Variants in DNAJC3 observed in about 807,000 individuals in gnomAD.
DNAJC3 encodes DnaJ heat shock protein family (Hsp40) member C3, also known as dnaJ homolog subfamily C member 3.
In DNAJC3, 38 loss-of-function variants were observed where a neutral mutation model predicts 68.6. That is an observed-to-expected ratio of 0.55 (90% CI 0.43 to 0.73). The LOEUF (loss-of-function observed/expected upper bound fraction) is 0.73, where lower values mean the gene tolerates loss of function less well. Ranked by LOEUF, DNAJC3 falls within the 30% of genes least tolerant of loss-of-function variation. The probability of loss-of-function intolerance (pLI) is 0.00; values close to 1 mark genes in which losing one functional copy is unlikely to be tolerated. For missense variants in DNAJC3, 526 were observed against 591.9 expected, an observed-to-expected ratio of 0.89 and a Z score of 1.16; for synonymous variants, 203 against 204.0, an observed-to-expected ratio of 1.00 and a Z score of 0.04.
rs1593967819 is a variant in DNAJC3, at chr13:95,709,217, T to C, written c.83-10T>C. ...GAAAGTTAACTGATTGTTTTTAATT[T>C]TATTTTTAGGTGCTGAATGTGGAGT... On this transcript the variant is annotated splice_polypyrimidine_tract_variant and intron_variant, in intron 1 of 11. Coordinates refer to ENST00000602402, the MANE Select transcript of DNAJC3 (RefSeq NM_006260.5). 1.3e-6 allele frequency: 2 copies of C among 1,501,842 alleles called. No individual in the cohort carries two copies. 93.0% of individuals were successfully genotyped at this position (1,501,842 alleles called of 1,614,324 possible). A position where few individuals can be genotyped will look rare whatever the true frequency, so the allele number is the denominator to read the frequency against.
chr13:95,698,633 C>G (rs1364546970), intron 1 of DNAJC3, among the ~76,000 whole-genome samples: 2 of 152,064 alleles, frequency 1.3e-5, no homozygotes, highest in African/African-American at 4.8e-5. Flanking sequence ...ACAGTGTAGC[C>G]GAGAGTCACA....
intron 4 of DNAJC3, among the ~76,000 whole-genome samples, chr13:95,726,447 G>C (rs1381665004): frequency 6.6e-6 from 1 of 152,102 alleles, no homozygotes; most frequent in Non-Finnish European, 1.5e-5. Context: ...ATTTTTTCAT[G>C]TGTTTTTTGG....
At position 95,794,012 on chromosome 13, in the gene DNAJC3, T is replaced by C. The variant is rs1883881482; in HGVS notation, c.*2982T>C. 6.6e-6 allele frequency: 1 copy of C among 152,224 alleles called. No homozygotes were observed. The allele number at this position is 152,224 out of a possible 1,614,324, so 9.4% of individuals were successfully genotyped here. A position where few individuals can be genotyped will look rare whatever the true frequency, so the allele number is the denominator to read the frequency against. Reference sequence around the variant, plus strand: ...TCAGTTCTGAAAGTTTGTGCTTTCTTACCATGAATAGATGAAAACTTGAAA... The same window carrying C: ...TCAGTTCTGAAAGTTTGTGCTTTCTCACCATGAATAGATGAAAACTTGAAA... On this transcript the variant is annotated 3_prime_UTR_variant, in exon 12 of 12. Coordinates refer to ENST00000602402, the MANE Select transcript of DNAJC3 (RefSeq NM_006260.5).
intron 7 of DNAJC3, among the ~76,000 whole-genome samples, chr13:95,762,123 G>A (rs9590322): frequency 0.068 from 10,324 of 152,192 alleles, 410 homozygotes; most frequent in East Asian, 0.14. Context: ...TTAGCCGGGC[G>A]TGGTGGCGCA....
chr13:95,747,105 A>C (rs1882327691), intron 4 of DNAJC3, among the ~76,000 whole-genome samples: 1 of 152,240 alleles, frequency 6.6e-6, no homozygotes, highest in Non-Finnish European at 1.5e-5. Context: ...CATATAACTT[A>C]GATCATTTAA....
chr13:95,681,439 C>T (rs191243900), intron 1 of DNAJC3, among the ~76,000 whole-genome samples: 3 of 152,180 alleles, frequency 2.0e-5, no homozygotes, highest in African/African-American at 2.4e-5. Flanking sequence ...TAGGCTTGAC[C>T]TCCTGGGCTC....
intron 9 of DNAJC3, among the ~76,000 whole-genome samples, chr13:95,779,566 T>G (rs1199333654): frequency 1.3e-5 from 2 of 152,192 alleles, no homozygotes; most frequent in Non-Finnish European, 2.9e-5. Context: ...TTTTGTTAGA[T>G]CCTTCATTTT....
intron 11 of DNAJC3, among the ~76,000 whole-genome samples, chr13:95,789,940 G>C (rs933897812): frequency 6.6e-6 from 1 of 152,148 alleles, no homozygotes; most frequent in African/African-American, 2.4e-5. Context: ...TTTGAGAAGT[G>C]TCTGTTCATG....
intron 9 of DNAJC3, among the ~76,000 whole-genome samples, chr13:95,767,059 T>G (rs981714442): frequency 6.6e-6 from 1 of 152,218 alleles, no homozygotes; most frequent in African/African-American, 2.4e-5. Flanking sequence ...TTTACCATCT[T>G]AACCATTTTT....
chr13:95,691,983 G>A (rs969770748), intron 1 of DNAJC3, among the ~76,000 whole-genome samples: 2 of 152,202 alleles, frequency 1.3e-5, no homozygotes, highest in Admixed American at 6.5e-5. Flanking sequence ...CAGGGAGGTT[G>A]CAGTGAGCTG....
chr13:95,747,512 G>A (rs942177685), intron 4 of DNAJC3, among the ~76,000 whole-genome samples: 3 of 152,186 alleles, frequency 2.0e-5, no homozygotes, highest in Non-Finnish European at 4.4e-5. Context: ...CCAGTAAGCT[G>A]GAGTATGAGA....
chr13:95,758,402 G>C (rs570909345), intron 5 of DNAJC3, among the ~76,000 whole-genome samples: 1 of 151,590 alleles, frequency 6.6e-6, no homozygotes, highest in Non-Finnish European at 1.5e-5. Context: ...TTGGGAGGTC[G>C]AGGTGGGTGG....
intron 1 of DNAJC3, among the ~76,000 whole-genome samples, chr13:95,691,120 C>T (rs866717292): frequency 7.1e-5 from 10 of 140,326 alleles, no homozygotes; most frequent in South Asian, 4.7e-4. Context: ...ACTTCCCAGA[C>T]GGAGCGGCTG....
intron 4 of DNAJC3, chr13:95,742,899 T>C (rs753727660): frequency 4.3e-5 from 21 of 488,822 alleles, no homozygotes; most frequent in Non-Finnish European, 2.1e-5. Context: ...TCTAAAAGTT[T>C]TATGGTTTTG....
intron 9 of DNAJC3, among the ~76,000 whole-genome samples, chr13:95,767,145 A>G (rs940292627): frequency 6.6e-6 from 1 of 152,174 alleles, no homozygotes; most frequent in African/African-American, 2.4e-5. Context: ...CATCGTGCAA[A>G]TCTGATCTCT....
Position 95,790,892 on chromosome 13 carries a change from C to T in DNAJC3, c.1377C>T (p.Asp459=), listed in dbSNP as rs149304997. 1.5e-4 allele frequency: 235 copies of T among 1,607,206 alleles called. No homozygotes were observed. Among genetic ancestry groups the T allele is most frequent in the Admixed American group, 2.8e-4 (16 of 58,094 alleles). The part of the protein sequence containing the change: ...LSDPEMRKKF[D]DGEDPLDAES... ...TTCTAGAAATGAGAAAGAAGTTTGA[C>T]GACGGAGAAGATCCTTTGGATGCAG... The change falls in exon 12 of 12, where the codon GAC becomes GAT. Residue 459 remains aspartate, a synonymous_variant. Transcript: ENST00000602402.
chr13:95,688,932 GT>G lies in DNAJC3; in HGVS notation c.82+11596del, dbSNP rs1880145374. Among the ~76,000 whole-genome samples, 391 of 102,808 alleles carry G rather than the reference GT, an allele frequency of 3.8e-3. 1 individual carries two copies. The highest frequency in any genetic ancestry group is 0.01 in the Admixed American group (94 of 9,364). The allele number at this position is 102,808 out of a possible 152,430, so 67.4% of individuals were successfully genotyped here. On this transcript the variant is annotated intron_variant, in intron 1 of 11. Transcript: ENST00000602402. ...AAAGCCCATTTGATTGTGTGGGTGT[GT>G]GTGTGTGTGTGTGTGTGTGTGTGTG... is the stretch of plus-strand genomic sequence containing the variant.
chr13:95,766,145 G>T (rs374607930), intron 9 of DNAJC3, among the ~76,000 whole-genome samples: 7 of 152,128 alleles, frequency 4.6e-5, no homozygotes, highest in African/African-American at 1.7e-4. Flanking sequence ...ATATTCTTCT[G>T]CTTCCTGGTT....
intron 1 of DNAJC3, among the ~76,000 whole-genome samples, chr13:95,682,603 T>C (rs370649798): frequency 6.6e-6 from 1 of 152,196 alleles, no homozygotes; most frequent in African/African-American, 2.4e-5. Flanking sequence ...TGCTGACTTA[T>C]GATCACTGCT....
Sources: allele counts gnomAD v4.1 joint callset (sites outside exome capture counted in the v4.1 genomes callset), GRCh38; gene constraint gnomAD v4.1.1; transcripts MANE v1.5; gene names NCBI Gene and HGNC (gene_info 2026-07-23, HGNC 2026-07-21).